The following STAG1 variants were observed in gnomAD, a reference collection of about 807,000 sequenced individuals.
STAG1 encodes the protein STAG1 cohesin complex component, also known as cohesin subunit SA-1.
STAG1 carries 26 observed loss-of-function variants against 170.9 expected under a neutral mutation model. The ratio of observed to expected loss-of-function variants is 0.15; its 90% confidence interval spans 0.11 to 0.21. STAG1 has a LOEUF of 0.21. STAG1 is among the 10% of genes least tolerant of loss of function. The pLI, the probability that STAG1 is intolerant of heterozygous loss-of-function variation, is 1.00. For missense variants in STAG1, 964 were observed against 1,509.5 expected (o/e 0.64, Z 5.99); for synonymous variants, 514 against 497.7 (o/e 1.03, Z -0.44).
chr3:136,448,950 A>T (rs2088861261), intron 14 of STAG1, among the ~76,000 whole-genome samples: 1 of 152,024 alleles, frequency 6.6e-6, no homozygotes, highest in Admixed American at 6.6e-5. Flanking sequence ...TTTCTACTCT[A>T]TTATTTCTAA....
intron 10 of STAG1, 106 bp downstream of exon 10, chr3:136,477,183 A>T: frequency 1.6e-6 from 2 of 1,264,308 alleles, no homozygotes; most frequent in Non-Finnish European, 2.1e-6. Flanking sequence ...TAAAATTTCC[A>T]CATGATTACA....
chr3:136,574,059 G>A (rs1030298303), intron 4 of STAG1, among the ~76,000 whole-genome samples: 4 of 151,944 alleles, frequency 2.6e-5, no homozygotes, highest in South Asian at 2.1e-4. Context: ...TGGCTAACAC[G>A]GTGAAATCCC....
chr3:136,568,571 T>C (rs868013727), intron 5 of STAG1, among the ~76,000 whole-genome samples, 194 bp downstream of exon 5: 1 of 152,150 alleles, frequency 6.6e-6, no homozygotes, highest in Non-Finnish European at 1.5e-5. Flanking sequence ...TATTACTTTA[T>C]AGGAGCAAAA....
chr3:136,448,664 G>GA (rs1267505149), intron 14 of STAG1, among the ~76,000 whole-genome samples: 1 of 152,036 alleles, frequency 6.6e-6, no homozygotes, highest in Non-Finnish European at 1.5e-5. Flanking sequence ...CTTGGCTGGG[G>GA]ACAGTGCTTC....
intron 21 of STAG1, among the ~76,000 whole-genome samples, chr3:136,411,756 C>A (rs2087629527): frequency 6.6e-6 from 1 of 152,142 alleles, no homozygotes; most frequent in Non-Finnish European, 1.5e-5. Flanking sequence ...CAAGACCAGT[C>A]TGTCCAAGAT....
chr3:136,567,897 A>G (rs1039340993), intron 5 of STAG1, among the ~76,000 whole-genome samples: 1 of 152,150 alleles, frequency 6.6e-6, no homozygotes, highest in Non-Finnish European at 1.5e-5. Context: ...CTGAACTATT[A>G]ATGTATTTCC....
At position 136,579,958 on chromosome 3, in the gene STAG1, A is replaced by ATTTTTTTTT. The variant is rs749325884; in HGVS notation, c.298-11106_298-11098dup. On this transcript the variant is annotated intron_variant, in intron 4 of 33. Transcript: ENST00000383202. ...CTATTTTGGTCACAATACCATCTGA[A>ATTTTTTTTT]TTTTTTTTTTTTTTTTTTTTTTTTT... Among the ~76,000 whole-genome samples the ATTTTTTTTT allele has an allele frequency of 1.6e-3, 120 of 73,650 alleles. 26 individuals are homozygous for ATTTTTTTTT. The highest frequency in any genetic ancestry group is 5.8e-3 in the East Asian group (15 of 2,604). 48.3% of individuals were successfully genotyped at this position (73,650 alleles called of 152,430 possible).
chr3:136,390,650 G>A (rs776249311), intron 22 of STAG1, among the ~76,000 whole-genome samples: 9 of 152,174 alleles, frequency 5.9e-5, no homozygotes, highest in East Asian at 1.9e-4. Context: ...GCTTACATGC[G>A]ACTAAAAATT....
intron 4 of STAG1, among the ~76,000 whole-genome samples, chr3:136,583,864 T>G (rs918971419): frequency 2.0e-5 from 3 of 151,924 alleles, no homozygotes; most frequent in Admixed American, 2.0e-4. Context: ...ATAAGGAAAC[T>G]AGGGGAGGGA....
chr3:136,362,663 C>T (rs1230026814), intron 26 of STAG1, among the ~76,000 whole-genome samples: 1 of 149,170 alleles, frequency 6.7e-6, no homozygotes, highest in Non-Finnish European at 1.5e-5. Flanking sequence ...TACGGATCAT[C>T]AATTATGAAC....
At chr3:136,561,017 T>C (rs1330595159) in intron 5 of STAG1, among the ~76,000 whole-genome samples, 2 of 152,154 alleles carry the variant, frequency 1.3e-5, no homozygotes, top group Non-Finnish European at 2.9e-5. Flanking sequence ...TTTTGGTCCT[T>C]GGTTCTTACG....
At chr3:136,420,943 C>T (rs923757382) in intron 20 of STAG1, 150 bp downstream of exon 20, 2 of 467,024 alleles carry the variant, frequency 4.3e-6, no homozygotes, top group Non-Finnish European at 7.7e-6. Flanking sequence ...ACTCTCATGC[C>T]CAATTTTTGT....
At chr3:136,358,914 C>T (rs556287871) in intron 27 of STAG1, among the ~76,000 whole-genome samples, 2 of 152,226 alleles carry the variant, frequency 1.3e-5, no homozygotes, top group South Asian at 4.2e-4. Flanking sequence ...ACTGACAGAC[C>T]AGACAATAAT....
At chr3:136,474,372 T>G (rs1014987716) in intron 10 of STAG1, among the ~76,000 whole-genome samples, 1 of 152,210 alleles carries the variant, frequency 6.6e-6, no homozygotes, top group African/African-American at 2.4e-5. Flanking sequence ...TTCTATATAA[T>G]TTATTAGCTA....
intron 4 of STAG1, among the ~76,000 whole-genome samples, chr3:136,604,104 T>G (rs1938818772): frequency 6.6e-6 from 1 of 152,054 alleles, no homozygotes; most frequent in African/African-American, 2.4e-5. Flanking sequence ...CTTAGAACAA[T>G]TTAAACAAAA....
intron 1 of STAG1, among the ~76,000 whole-genome samples, chr3:136,704,869 TA>T (rs1040753145): frequency 2.5e-5 from 3 of 121,702 alleles, no homozygotes; most frequent in African/African-American, 9.2e-5. Flanking sequence ...TGCATAGTGA[TA>T]AAAGGGTTAA....
chr3:136,404,917 T>C (rs983212212), intron 21 of STAG1, among the ~76,000 whole-genome samples: 1 of 151,830 alleles, frequency 6.6e-6, no homozygotes, highest in African/African-American at 2.4e-5. Flanking sequence ...CCCACACCTA[T>C]AGGACATGTT....
chr3:136,340,626 T>C, intron 31 of STAG1, 21 bp from the exon 32 acceptor site: 1 of 1,510,412 alleles, frequency 6.6e-7, no homozygotes, highest in South Asian at 1.1e-5. Flanking sequence ...AAAGGTATTG[T>C]CAGAAAGCTC....
intron 5 of STAG1, among the ~76,000 whole-genome samples, chr3:136,558,387 T>C (rs774826659): frequency 2.6e-5 from 4 of 152,160 alleles, no homozygotes; most frequent in African/African-American, 4.8e-5. Flanking sequence ...GTAAAACTTA[T>C]GTCTCAAATA....
Sources: allele counts gnomAD v4.1 joint callset (sites outside exome capture counted in the v4.1 genomes callset), GRCh38; gene constraint gnomAD v4.1.1; transcripts MANE v1.5; gene names NCBI Gene and HGNC (gene_info 2026-07-23, HGNC 2026-07-21).